The following RXRA variants were observed in gnomAD, a reference collection of about 807,000 sequenced individuals.
RXRA encodes the protein retinoid X receptor alpha, also known as retinoic acid receptor RXR-alpha.
RXRA carries 5 observed loss-of-function variants against 44.5 expected under a neutral mutation model. That is an observed-to-expected ratio of 0.11 (90% CI 0.06 to 0.24). The LOEUF is 0.24. RXRA is among the 10% of genes least tolerant of loss of function. RXRA has a pLI of 1.00. For missense variants in RXRA, 412 were observed against 646.5 expected (o/e 0.64, Z 3.93); for synonymous variants, 291 against 271.4 (o/e 1.07, Z -0.71).
intron 5 of RXRA, among the ~76,000 whole-genome samples, chr9:134,420,348 T>G (rs1831308714): frequency 6.6e-6 from 1 of 152,162 alleles, no homozygotes; most frequent in African/African-American, 2.4e-5. Context: ...GGGAGCCCTG[T>G]GAGTGCTGGG....
At chr9:134,388,068 T>C (rs1830746497) in intron 1 of RXRA, among the ~76,000 whole-genome samples, 1 of 152,136 alleles carries the variant, frequency 6.6e-6, no homozygotes, top group Admixed American at 6.5e-5. Context: ...CCTCTTCAGC[T>C]CTTGGCTTTG....
chr9:134,421,516 G>A (rs1030040056), intron 5 of RXRA, among the ~76,000 whole-genome samples, 160 bp from the exon 6 acceptor site: 2 of 152,202 alleles, frequency 1.3e-5, no homozygotes, highest in Admixed American at 6.5e-5. Flanking sequence ...ATGCAAGGTC[G>A]CATAGTCCCA....
intron 9 of RXRA, among the ~76,000 whole-genome samples, chr9:134,435,868 C>T (rs368793931): frequency 3.3e-4 from 51 of 152,318 alleles, no homozygotes; most frequent in African/African-American, 1.1e-3. Flanking sequence ...TCATGGCCCA[C>T]AGTTTTTCAT....
intron 1 of RXRA, among the ~76,000 whole-genome samples, chr9:134,326,911 C>T (rs1265270295): frequency 6.7e-6 from 1 of 149,786 alleles, no homozygotes; most frequent in Non-Finnish European, 1.5e-5. Flanking sequence ...GCAGGTTCGC[C>T]CGGGACGAGG....
intron 1 of RXRA, among the ~76,000 whole-genome samples, chr9:134,339,309 C>T (rs1830053098): frequency 6.6e-6 from 1 of 152,272 alleles, no homozygotes; most frequent in Non-Finnish European, 1.5e-5. Flanking sequence ...CCTCCTCTGT[C>T]TGCGTGTGAG....
At chr9:134,352,450 C>T (rs1830233069) in intron 1 of RXRA, among the ~76,000 whole-genome samples, 2 of 152,154 alleles carry the variant, frequency 1.3e-5, no homozygotes, top group Admixed American at 1.3e-4. Context: ...CCCAGGTGGG[C>T]AGCACAGGAC....
chr9:134,390,233 G>A (rs1830779962), intron 1 of RXRA, among the ~76,000 whole-genome samples: 1 of 152,164 alleles, frequency 6.6e-6, no homozygotes, highest in African/African-American at 2.4e-5. Flanking sequence ...AGTGGGTAGG[G>A]GCCCGGGTGC....
At chr9:134,337,477 C>T (rs1206557714) in intron 1 of RXRA, among the ~76,000 whole-genome samples, 1 of 152,164 alleles carries the variant, frequency 6.6e-6, no homozygotes, top group East Asian at 1.9e-4. Flanking sequence ...TGACCTTGGA[C>T]CAGATGTTTT....
At chr9:134,428,823 G>A (rs1831480106) in intron 6 of RXRA, among the ~76,000 whole-genome samples, 1 of 152,206 alleles carries the variant, frequency 6.6e-6, no homozygotes, top group Non-Finnish European at 1.5e-5. Flanking sequence ...CTGCACACGC[G>A]GGAGGAAGCT....
intron 1 of RXRA, among the ~76,000 whole-genome samples, chr9:134,385,643 G>A (rs1020717681): frequency 1.3e-5 from 2 of 152,210 alleles, no homozygotes; most frequent in African/African-American, 2.4e-5. Context: ...CTGCGCGAGC[G>A]GTGGTGGCCC....
chr9:134,346,045 T>G (rs1320735979), intron 1 of RXRA, among the ~76,000 whole-genome samples: 1 of 152,106 alleles, frequency 6.6e-6, no homozygotes, highest in Non-Finnish European at 1.5e-5. Flanking sequence ...GCCTAGGCCA[T>G]TTCTGGGGGG....
intron 5 of RXRA, 124 bp from the exon 6 acceptor site, chr9:134,421,544 CCTGGGCAT>C: frequency 9.6e-7 from 1 of 1,044,082 alleles, no homozygotes. Context: ...GGGATTGGGG[CCTGGGCAT>C]CTTTGGGGGC....
At position 134,401,793 on chromosome 9, in the gene RXRA, C is replaced by T; in HGVS notation, c.190C>T (p.Pro64Ser). ...CTCCCCCATCAACGGCATGGGCCCG[C>T]CTTTCTCGGTCATCAGCTCCCCCAT... ...LSSPINGMGP[P>S]FSVISSPMGP... Residue 64 changes from proline (P) to serine (S), a missense_variant, in exon 2 of 10, where the codon CCT becomes TCT. Coordinates refer to ENST00000481739, the MANE Select transcript of RXRA (RefSeq NM_002957.6). 1 of 1,613,214 alleles carries T rather than the reference C, an allele frequency of 6.2e-7. No individual in the cohort carries two copies. Among genetic ancestry groups the T allele is most frequent in the African/African-American group, 1.3e-5 (1 of 75,046 alleles).
chr9:134,400,070 A>G (rs1409814066), intron 1 of RXRA, among the ~76,000 whole-genome samples: 1 of 152,190 alleles, frequency 6.6e-6, no homozygotes, highest in South Asian at 2.1e-4. Flanking sequence ...TGTGTGAGGT[A>G]AGAAGAGTGC....
intron 6 of RXRA, chr9:134,424,880 C>T (rs1831406886): frequency 2.0e-6 from 2 of 985,348 alleles, no homozygotes; most frequent in African/African-American, 1.7e-5. Context: ...GAGGCAGTGG[C>T]AGAGGTGAGG....
At chr9:134,346,890 G>A (rs1290670061) in intron 1 of RXRA, among the ~76,000 whole-genome samples, 1 of 152,202 alleles carries the variant, frequency 6.6e-6, no homozygotes, top group Non-Finnish European at 1.5e-5. Flanking sequence ...CCCCACCAGC[G>A]CTTCACTGCT....
At chr9:134,422,398 C>T in intron 6 of RXRA, 1 of 1,277,236 alleles carries the variant, frequency 7.8e-7, no homozygotes, top group Non-Finnish European at 1.0e-6. Context: ...GGACACTCCC[C>T]CGTCCCGTGA....
At chr9:134,330,624 C>G (rs1834989213) in intron 1 of RXRA, among the ~76,000 whole-genome samples, 1 of 152,186 alleles carries the variant, frequency 6.6e-6, no homozygotes, top group African/African-American at 2.4e-5. Context: ...CTCCTCTGCC[C>G]CCTCCCATTC....
intron 4 of RXRA, among the ~76,000 whole-genome samples, chr9:134,416,429 TC>T (rs1160297958): frequency 2.0e-5 from 3 of 151,500 alleles, no homozygotes; most frequent in South Asian, 2.1e-4. Context: ...GGCTTCTGGT[TC>T]CCCCCGAGTG....
Sources: allele counts gnomAD v4.1 joint callset (sites outside exome capture counted in the v4.1 genomes callset), GRCh38; gene constraint gnomAD v4.1.1; transcripts MANE v1.5; gene names NCBI Gene and HGNC (gene_info 2026-07-23, HGNC 2026-07-21).